Variants in HMGCS1 observed in about 807,000 individuals in gnomAD.
HMGCS1 encodes hydroxymethylglutaryl-CoA synthase, cytoplasmic.
HMGCS1 carries 9 observed loss-of-function variants against 52.3 expected under a neutral mutation model. That is an observed-to-expected ratio of 0.17 (90% confidence interval 0.10 to 0.30). The LOEUF is 0.30. Ranked by LOEUF, HMGCS1 falls within the 10% of genes least tolerant of loss-of-function variation. The pLI, the probability that HMGCS1 is intolerant of heterozygous loss-of-function variation, is 1.00. For synonymous variants in HMGCS1, 176 were observed against 214.4 expected, an observed-to-expected ratio of 0.82 and a Z score of 1.57; for missense variants, 320 against 620.9, an observed-to-expected ratio of 0.52 and a Z score of 5.15.
At chr5:43,309,813 T>G (rs965899293) in intron 1 of HMGCS1, among the ~76,000 whole-genome samples, 4 of 152,222 alleles carry the variant, frequency 2.6e-5, no homozygotes, top group Non-Finnish European at 5.9e-5. Flanking sequence ...AAAGCAGGTT[T>G]GCAGACTCAT....
At chr5:43,295,107 T>A (rs148949263) in intron 6 of HMGCS1, among the ~76,000 whole-genome samples, 1 of 152,230 alleles carries the variant, frequency 6.6e-6, no homozygotes, top group Non-Finnish European at 1.5e-5. Context: ...AGACGCACTG[T>A]AGCTTTATAT....
At chr5:43,307,306 C>G (rs1754627175) in intron 2 of HMGCS1, among the ~76,000 whole-genome samples, 1 of 151,996 alleles carries the variant, frequency 6.6e-6, no homozygotes, top group Admixed American at 6.6e-5. Context: ...TTCCTGACCT[C>G]AGGTGATCCA....
intron 2 of HMGCS1, among the ~76,000 whole-genome samples, chr5:43,300,776 T>C (rs554074592): frequency 1.4e-5 from 2 of 141,272 alleles, no homozygotes; most frequent in South Asian, 2.2e-4. Flanking sequence ...GCCTGGGTGA[T>C]GGTGAGACCT....
intron 6 of HMGCS1, among the ~76,000 whole-genome samples, chr5:43,295,200 T>C (rs1371278396): frequency 6.6e-6 from 1 of 152,224 alleles, no homozygotes; most frequent in Non-Finnish European, 1.5e-5. Flanking sequence ...CTATTTCAAG[T>C]CCATAATAAT....
chr5:43,294,877 TAC>T lies in HMGCS1; in HGVS notation c.906-18_906-17del, dbSNP rs1445457306. On this transcript the variant is annotated splice_polypyrimidine_tract_variant and intron_variant, in intron 6 of 10. Coordinates refer to ENST00000325110, the MANE Select transcript of HMGCS1 (RefSeq NM_001098272.3). ...TTTAACATCCCTGAAAGATTTATTT[TAC>T]AGTTTTACAGTGTTTAAAGCCTATG... 2.6e-6 allele frequency: 4 copies of T among 1,546,510 alleles called. No individual in the cohort carries two copies. Among genetic ancestry groups the T allele is most frequent in the East Asian group, 4.5e-5 (2 of 44,298 alleles).
intron 2 of HMGCS1, among the ~76,000 whole-genome samples, chr5:43,300,351 AG>A (rs1754251248): frequency 6.6e-6 from 1 of 152,156 alleles, no homozygotes; most frequent in African/African-American, 2.4e-5. Context: ...ATTGACCCAA[AG>A]GTCTTGGGTT....
Position 43,294,745 on chromosome 5 carries a change from T to C in HMGCS1, c.1022A>G (p.Asn341Ser). 6.2e-7 allele frequency: 1 copy of C among 1,612,772 alleles called. No homozygotes were observed. The highest frequency in any genetic ancestry group is 8.5e-7 in the Non-Finnish European group (1 of 1,179,044). ...TKASLLVSNQ[N>S]GNMYTSSVYG... ...TACTGAAGATGTGTACATATTTCCA[T>C]TTTGATTTGATACAAGTAAAGATGC... is the stretch of plus-strand genomic sequence containing the variant. The change falls in exon 7 of 11, where the codon AAT (asparagine) becomes AGT (serine). Residue 341 changes from asparagine (N) to serine (S), a missense_variant. By Grantham distance (46) the Asn-to-Ser change is conservative. This residue lies in a region of HMGCS1 where 213 missense variants were observed against 337.4 expected (regional missense o/e 0.63). Transcript: ENST00000325110.
At chr5:43,304,606 C>T (rs1754473156) in intron 2 of HMGCS1, among the ~76,000 whole-genome samples, 1 of 152,264 alleles carries the variant, frequency 6.6e-6, no homozygotes, top group Middle Eastern at 3.4e-3. Flanking sequence ...TATAGTACTC[C>T]TAAAATAAGA....
At chr5:43,308,405 A>G (rs953548248) in intron 1 of HMGCS1, among the ~76,000 whole-genome samples, 9 of 152,312 alleles carry the variant, frequency 5.9e-5, no homozygotes, top group African/African-American at 2.2e-4. Context: ...ACTGACTATT[A>G]CCTTAGTTCT....
At chr5:43,312,355 G>A (rs1042525580) in intron 1 of HMGCS1, among the ~76,000 whole-genome samples, 4 of 152,226 alleles carry the variant, frequency 2.6e-5, no homozygotes, top group South Asian at 2.1e-4. Flanking sequence ...CTGCAGCAGA[G>A]GTGAGCAGTG....
chr5:43,301,787 CAA>C (rs1409723102), intron 2 of HMGCS1, among the ~76,000 whole-genome samples: 1 of 152,158 alleles, frequency 6.6e-6, no homozygotes, highest in Non-Finnish European at 1.5e-5. Context: ...GAACAGCCTC[CAA>C]AAACATGGAA....
rs1753903366 is a variant in HMGCS1 at position 43,293,921 on chromosome 5, G to A, written c.1183+135C>T. Reference sequence around the variant, plus strand: ...TAGAGATGGGGTTTCAGCCATGTTAGCCAGACTGGTCTCGAACTCCTGACC... The same window carrying A: ...TAGAGATGGGGTTTCAGCCATGTTAACCAGACTGGTCTCGAACTCCTGACC... On this transcript the variant is annotated intron_variant, in intron 8 of 10. Coordinates refer to ENST00000325110, the MANE Select transcript of HMGCS1 (RefSeq NM_001098272.3). 5.0e-6 allele frequency: 3 copies of A among 602,294 alleles called. No homozygotes were observed. In the Admixed American group the frequency reaches 7.9e-5, roughly 16 times the overall value. The allele number at this position is 602,294 out of a possible 1,614,324, so 37.3% of individuals were successfully genotyped here. A position where few individuals can be genotyped will look rare whatever the true frequency, so the allele number is the denominator to read the frequency against.
At position 43,298,457 on chromosome 5, in the gene HMGCS1, G is replaced by A. The variant is rs931618161; in HGVS notation, c.448+61C>T. 1.3e-5 allele frequency: 15 copies of A among 1,195,060 alleles called. No individual in the cohort carries two copies. The East Asian group carries it at 2.8e-4, about 22-fold the overall frequency. The allele number at this position is 1,195,060 out of a possible 1,614,324, so 74.0% of individuals were successfully genotyped here. ...TATTGCATTAATTAAAGTGTCATCTGGGTCTATTGAACCTTAGAAAAAAAT... is the reference window on the plus strand; with the variant it reads ...TATTGCATTAATTAAAGTGTCATCTAGGTCTATTGAACCTTAGAAAAAAAT... On this transcript the variant is annotated intron_variant, in intron 3 of 10. Coordinates refer to ENST00000325110, the MANE Select transcript of HMGCS1 (RefSeq NM_001098272.3). The surrounding 1 kb of genome is among the most constrained non-coding windows in gnomAD (Gnocchi z 5.6).
At chr5:43,311,910 G>A (rs1754892404) in intron 1 of HMGCS1, among the ~76,000 whole-genome samples, 1 of 152,186 alleles carries the variant, frequency 6.6e-6, no homozygotes, top group Non-Finnish European at 1.5e-5. Flanking sequence ...AAGTAGAACC[G>A]AATAAAGGGC....
rs569442225 is a variant in HMGCS1 at position 43,292,070 on chromosome 5, G to GC, written c.1473+403dup. 1.6e-3 allele frequency among the ~76,000 whole-genome samples: 212 copies of GC among 129,110 alleles called. 1 individual carries two copies. The highest frequency in any genetic ancestry group is 6.1e-3 in the African/African-American group (202 of 33,226). The allele number at this position is 129,110 out of a possible 152,430, so 84.7% of individuals were successfully genotyped here. ...TGCAGTGGTGTGATCTCAGCTTACT[G>GC]CAACCTCTGACTCCCTGGTTCAAGC... is the stretch of plus-strand genomic sequence containing the variant. On this transcript the variant is annotated intron_variant, in intron 10 of 10. Coordinates refer to ENST00000325110, the MANE Select transcript of HMGCS1 (RefSeq NM_001098272.3).
intron 8 of HMGCS1, 49 bp from the exon 9 acceptor site, chr5:43,293,022 G>A: frequency 6.7e-7 from 1 of 1,495,562 alleles, no homozygotes; most frequent in Non-Finnish European, 9.1e-7. Flanking sequence ...GAAAAATCAT[G>A]TCCAAAAGAA....
At position 43,290,073 on chromosome 5, in the gene HMGCS1, A is replaced by G. The variant is rs1014996241; in HGVS notation, c.*1058T>C. 6.8e-6 allele frequency: 1 copy of G among 147,560 alleles called. No homozygotes were observed. Among genetic ancestry groups the G allele is most frequent in the Admixed American group, 6.9e-5 (1 of 14,398 alleles). 9.1% of individuals were successfully genotyped at this position (147,560 alleles called of 1,614,324 possible). On this transcript the variant is annotated 3_prime_UTR_variant, in exon 11 of 11. Transcript: ENST00000325110. ...TAGGTAAAAACTTGGGTCATACCTT[A>G]TTTTCATTGAACAGATACCAAAAAA...
chr5:43,308,674 T>C (rs1202079173), intron 1 of HMGCS1, among the ~76,000 whole-genome samples: 2 of 152,246 alleles, frequency 1.3e-5, no homozygotes, highest in Admixed American at 6.5e-5. Context: ...TTACTTGAGA[T>C]GGCAACTTCT....
chr5:43,293,593 G>A (rs1579636615), intron 8 of HMGCS1: 1 of 150,474 alleles, frequency 6.6e-6, no homozygotes, highest in Admixed American at 6.6e-5. Flanking sequence ...TTTTAGGGCA[G>A]AGAGTAAAAA....
Sources: allele counts gnomAD v4.1 joint callset (sites outside exome capture counted in the v4.1 genomes callset), GRCh38; gene constraint gnomAD v4.1.1; regional missense constraint gnomAD v4.1.1; non-coding constraint Gnocchi (gnomAD v3.1); transcripts MANE v1.5; gene names NCBI Gene and HGNC (gene_info 2026-07-23, HGNC 2026-07-21).